Variants in GRB10 observed in about 807,000 individuals in gnomAD.
GRB10 encodes growth factor receptor bound protein 10.
Under a neutral mutation model 80.9 loss-of-function variants are expected in GRB10, and 20 were observed. The ratio of observed to expected loss-of-function variants is 0.25; its 90% CI spans 0.17 to 0.36. The LOEUF is 0.36. Ranked by LOEUF, GRB10 falls within the 10% of genes least tolerant of loss-of-function variation. The probability of loss-of-function intolerance (pLI) is 1.00; values close to 1 mark genes in which losing one functional copy is unlikely to be tolerated. For missense variants in GRB10, 548 were observed against 747.7 expected (o/e 0.73, Z 3.12); for synonymous variants, 291 against 291.5 (o/e 1.00, Z 0.02).
chr7:50,777,251 G>C (rs975396717), intron 2 of GRB10, among the ~76,000 whole-genome samples: 1 of 152,136 alleles, frequency 6.6e-6, no homozygotes, highest in Non-Finnish European at 1.5e-5. Flanking sequence ...TGGTGGAAGA[G>C]CAGAAGAGAG....
At chr7:50,719,605 T>C (rs1248246196) in intron 4 of GRB10, among the ~76,000 whole-genome samples, 2 of 152,056 alleles carry the variant, frequency 1.3e-5, no homozygotes, top group Non-Finnish European at 2.9e-5. Context: ...GATGGGTTGA[T>C]AGGTGCAGCA....
At chr7:50,689,280 T>G (rs2062490341) in intron 5 of GRB10, among the ~76,000 whole-genome samples, 1 of 152,208 alleles carries the variant, frequency 6.6e-6, no homozygotes, top group African/African-American at 2.4e-5. Flanking sequence ...TTCAGCCATT[T>G]GGTATGCAAG....
At chr7:50,778,441 A>C (rs2077928422) in intron 2 of GRB10, among the ~76,000 whole-genome samples, 1 of 152,224 alleles carries the variant, frequency 6.6e-6, no homozygotes, top group Non-Finnish European at 1.5e-5. Context: ...TAGGGCAGGC[A>C]CAAATACAAA....
Position 50,674,505 on chromosome 7 carries a change from G to T in GRB10, c.293C>A (p.Ser98Tyr). ...SQPRASGPPR[S>Y]IQPQVSPRQR... is the part of the protein sequence containing the mutation. ...CCTCGGGGACACCTGTGGCTGGATGGACCGAGGAGGGCCTGAAGCCCGAGG... is the reference window on the plus strand; with the variant it reads ...CCTCGGGGACACCTGTGGCTGGATGTACCGAGGAGGGCCTGAAGCCCGAGG... Residue 98 changes from serine (S) to tyrosine (Y), a missense_variant, in exon 6 of 19, where the codon TCC (serine) becomes TAC (tyrosine). Physicochemically the swap from Ser to Tyr is moderately radical, Grantham distance 144. Coordinates refer to ENST00000401949, the MANE Select transcript of GRB10 (RefSeq NM_001350814.2). 1 of 1,609,606 alleles carries T rather than the reference G, an allele frequency of 6.2e-7. No homozygotes were observed.
At chr7:50,645,195 A>G (rs1051946205) in intron 7 of GRB10, among the ~76,000 whole-genome samples, 1 of 152,254 alleles carries the variant, frequency 6.6e-6, no homozygotes, top group Non-Finnish European at 1.5e-5. Flanking sequence ...TAATCTTTAT[A>G]CTGCCCATAA....
intron 2 of GRB10, among the ~76,000 whole-genome samples, chr7:50,766,581 C>A (rs907377912): frequency 7.9e-6 from 1 of 125,948 alleles, no homozygotes; most frequent in Non-Finnish European, 1.7e-5. Context: ...TAATTGTAAT[C>A]GTTAAAACTG....
At chr7:50,720,112 A>C (rs1244907715) in intron 4 of GRB10, among the ~76,000 whole-genome samples, 1 of 152,206 alleles carries the variant, frequency 6.6e-6, no homozygotes, top group East Asian at 1.9e-4. Flanking sequence ...TTCCAGAAAC[A>C]CTAACAAACA....
At chr7:50,605,431 T>G in intron 14 of GRB10, 25 bp from the exon 15 acceptor site, 1 of 1,567,188 alleles carries the variant, frequency 6.4e-7, no homozygotes, top group Non-Finnish European at 8.8e-7. Flanking sequence ...CCGCAGTTCT[T>G]AAAATGCAGG....
chr7:50,742,922 A>G (rs2072160544), intron 3 of GRB10, among the ~76,000 whole-genome samples: 1 of 152,172 alleles, frequency 6.6e-6, no homozygotes, highest in Non-Finnish European at 1.5e-5. Flanking sequence ...AACTGCTGCT[A>G]CTACACTGCT....
intron 7 of GRB10, among the ~76,000 whole-genome samples, chr7:50,642,167 C>T (rs984393300): frequency 6.6e-5 from 10 of 152,098 alleles, no homozygotes; most frequent in South Asian, 2.1e-4. Context: ...GGAGGCGGAA[C>T]CAGCAGGGGA....
intron 13 of GRB10, among the ~76,000 whole-genome samples, chr7:50,610,214 C>T (rs1056715311): frequency 2.0e-5 from 3 of 152,206 alleles, no homozygotes; most frequent in Non-Finnish European, 2.9e-5. Context: ...AAAGAGTTAC[C>T]TCCCCACTGT....
intron 5 of GRB10, among the ~76,000 whole-genome samples, chr7:50,679,797 C>T (rs1259125118): frequency 6.6e-6 from 1 of 152,214 alleles, no homozygotes; most frequent in South Asian, 2.1e-4. Flanking sequence ...AAAGTCCTTA[C>T]ACATTTCTAT....
intron 7 of GRB10, among the ~76,000 whole-genome samples, chr7:50,656,799 T>C (rs1246674540): frequency 6.6e-6 from 1 of 152,202 alleles, no homozygotes; most frequent in Non-Finnish European, 1.5e-5. Context: ...CGAAACTCAC[T>C]CTATCCCGGA....
In GRB10 at chr7:50,684,516, A is replaced by G. The variant is rs548198665; in HGVS notation, c.140-9858T>C. Among the ~76,000 whole-genome samples, 3 of 152,288 alleles carry G rather than the reference A, an allele frequency of 2.0e-5. No homozygotes were observed. In the East Asian group the frequency reaches 5.8e-4, roughly 29 times the overall value. On this transcript the variant is annotated intron_variant, in intron 5 of 18. Coordinates refer to ENST00000401949, the MANE Select transcript of GRB10 (RefSeq NM_001350814.2). ...TCCTGCTACACTGCTGCAAGGAAGC[A>G]CCTGGGCATTACTAAGATCCCGTCA...
chr7:50,708,808 T>C (rs555425762), intron 4 of GRB10, among the ~76,000 whole-genome samples: 5 of 151,436 alleles, frequency 3.3e-5, no homozygotes, highest in Non-Finnish European at 5.9e-5. Context: ...CCCGAGTAGC[T>C]GGGACTACAG....
Position 50,718,267 on chromosome 7 carries a change from T to C in GRB10, c.51+14005A>G, listed in dbSNP as rs191277466. Among the ~76,000 whole-genome samples the C allele has an allele frequency of 5.2e-4, 79 of 152,286 alleles. 1 individual carries two copies. The highest frequency in any genetic ancestry group is 2.5e-3 in the South Asian group (12 of 4,830). ...AGTTTGGGGAATGGGAAAATGAGTT[T>C]GGTTTGAAATGTCCTTCTTCTGAAA... On this transcript the variant is annotated intron_variant, in intron 4 of 18. Transcript: ENST00000401949.
intron 6 of GRB10, among the ~76,000 whole-genome samples, chr7:50,673,762 T>C (rs2060604926): frequency 6.6e-6 from 1 of 152,116 alleles, no homozygotes; most frequent in Admixed American, 6.5e-5. Flanking sequence ...CAGAACTCTT[T>C]CTCACGTGGC....
chr7:50,693,313 AC>A (rs1471821584), intron 5 of GRB10, among the ~76,000 whole-genome samples: 1 of 152,184 alleles, frequency 6.6e-6, no homozygotes, highest in Non-Finnish European at 1.5e-5. Flanking sequence ...CAGTCTCTCC[AC>A]TAAGAAATTG....
chr7:50,742,271 GCACA>G (rs55813195), intron 3 of GRB10, among the ~76,000 whole-genome samples: 5,326 of 46,632 alleles, frequency 0.11, 111 homozygotes, highest in Non-Finnish European at 0.15. Flanking sequence ...ACGCGCGCGC[GCACA>G]CACACACACA....
Sources: gnomAD v4.1 joint callset for allele counts (sites outside exome capture counted in the v4.1 genomes callset) on GRCh38, gnomAD v4.1.1 for gene constraint, MANE v1.5 for transcripts, NCBI Gene and HGNC (gene_info 2026-07-23, HGNC 2026-07-21) for gene names.